Variants in ZNF469 observed in about 807,000 individuals in gnomAD.
The protein encoded by ZNF469 is zinc finger protein 469.
In ZNF469, 1 loss-of-function variant was observed where a neutral mutation model predicts 1.0. The ratio of observed to expected loss-of-function variants is 1.00; its 90% CI spans 0.35 to 4.73. ZNF469 has a LOEUF of 4.73. Ranked by LOEUF, ZNF469 falls within the 30% of genes most tolerant of loss-of-function variation. The pLI is 0.16. For synonymous variants in ZNF469, 2,703 were observed against 2,363.4 expected, an observed-to-expected ratio of 1.14 and a Z score of -4.17; for missense variants, 6,100 against 5,356.3, an observed-to-expected ratio of 1.14 and a Z score of -4.33.
At chr16:88,127,074 C>T in the ZNF469 span, among the ~76,000 whole-genome samples, 3,119 of 152,280 alleles carry the variant, frequency 0.02, 98 homozygotes, top group African/African-American at 0.07. Flanking sequence ...CCGTCCGCCT[C>T]GGCCTCCCAC....
the ZNF469 span, among the ~76,000 whole-genome samples, chr16:88,239,666 TGTATATATATATATATATATATA>T: frequency 4.4e-4 from 18 of 40,588 alleles, 1 homozygote; most frequent in African/African-American, 1.0e-3. Context: ...TTTTTTTTTT[TGTATATATATATATATATATATA>T]TATATATATA....
the ZNF469 span, among the ~76,000 whole-genome samples, chr16:88,321,155 C>G: frequency 6.6e-6 from 1 of 152,260 alleles, no homozygotes; most frequent in Admixed American, 6.5e-5. Context: ...CCTGTCCAGG[C>G]TGTCCTGGGC....
the ZNF469 span, among the ~76,000 whole-genome samples, chr16:88,102,717 C>T: frequency 6.6e-6 from 1 of 152,218 alleles, no homozygotes; most frequent in Admixed American, 6.5e-5. Flanking sequence ...AGACGCCGTA[C>T]TTGGATTGGG....
the ZNF469 span, among the ~76,000 whole-genome samples, chr16:88,176,618 C>T: frequency 6.6e-6 from 1 of 152,024 alleles, no homozygotes; most frequent in African/African-American, 2.4e-5. Flanking sequence ...TCTTGAAACT[C>T]TAAGAAATAT....
At chr16:88,309,888 G>A in the ZNF469 span, among the ~76,000 whole-genome samples, 1 of 152,218 alleles carries the variant, frequency 6.6e-6, no homozygotes, top group Non-Finnish European at 1.5e-5. Context: ...CAACCCACGT[G>A]GCAGGAGTCA....
At position 88,437,077 on chromosome 16, in the gene ZNF469, C is replaced by T. The variant is rs1205170982; in HGVS notation, c.9607C>T (p.Arg3203Cys). 5.8e-6 allele frequency: 9 copies of T among 1,542,254 alleles called. No homozygotes were observed. The highest frequency in any genetic ancestry group is 7.0e-6 in the Non-Finnish European group (8 of 1,144,782). Residue 3203 changes from arginine to cysteine, a missense_variant, in exon 3 of 3, where the codon CGC becomes TGC. By Grantham distance (180) the Arg-to-Cys change is radical. Coordinates refer to ENST00000565624, the MANE Select transcript of ZNF469 (RefSeq NM_001367624.2). The part of the protein sequence containing the change: ...HLREHAVRFA[R>C]RGQARRSLGD... ...GCGTGAGCACGCGGTCCGCTTCGCC[C>T]GCAGGGGGCAGGCGCGGAGGTCCTT...
the ZNF469 span, among the ~76,000 whole-genome samples, chr16:88,125,975 G>A: frequency 6.6e-5 from 10 of 151,688 alleles, no homozygotes; most frequent in African/African-American, 2.4e-4. Context: ...GATTGCCTGA[G>A]CTCAGGAGTT....
intron 1 of ZNF469, among the ~76,000 whole-genome samples, chr16:88,413,783 A>G (rs1018770843): frequency 6.6e-6 from 1 of 152,066 alleles, no homozygotes; most frequent in East Asian, 1.9e-4. Context: ...TCCGCGCCTC[A>G]GGGCCTGGGC....
At chr16:88,181,422 T>C in the ZNF469 span, among the ~76,000 whole-genome samples, 1 of 152,220 alleles carries the variant, frequency 6.6e-6, no homozygotes, top group African/African-American at 2.4e-5. Flanking sequence ...AGATAGACCA[T>C]ATTCCAGGCC....
At chr16:88,331,630 T>C in the ZNF469 span, among the ~76,000 whole-genome samples, 2 of 142,420 alleles carry the variant, frequency 1.4e-5, no homozygotes, top group African/African-American at 2.7e-5. Context: ...TCACTATTGT[T>C]ACCACCGCCA....
rs779602484 is a variant in ZNF469, at chr16:88,430,139, G to T, written c.2669G>T (p.Gly890Val). 5.2e-6 allele frequency: 8 copies of T among 1,550,014 alleles called. No individual in the cohort carries two copies. The highest frequency in any genetic ancestry group is 7.0e-6 in the Non-Finnish European group (8 of 1,146,890). The change falls in exon 3 of 3, where the codon GGG (glycine) becomes GTG (valine). Residue 890 changes from glycine (G) to valine (V), a missense_variant. Gly to Val is a moderately radical substitution (Grantham distance 109, BLOSUM62 -3). Coordinates refer to ENST00000565624, the MANE Select transcript of ZNF469 (RefSeq NM_001367624.2). ...SSGHPLKSKAGVTPESKAPPP... is the reference protein window; with the variant it reads ...SSGHPLKSKAVVTPESKAPPP... ...GGACACCCCCTTAAGAGCAAGGCGG[G>T]GGTGACTCCAGAGAGCAAAGCTCCG...
the ZNF469 span, among the ~76,000 whole-genome samples, chr16:88,332,207 G>A: frequency 6.6e-6 from 1 of 152,256 alleles, no homozygotes; most frequent in African/African-American, 2.4e-5. Context: ...TTTGACAGAG[G>A]ATGGAAAATG....
chr16:88,416,860 G>A (rs1905315748), intron 1 of ZNF469, among the ~76,000 whole-genome samples: 1 of 152,172 alleles, frequency 6.6e-6, no homozygotes, highest in African/African-American at 2.4e-5. Context: ...GGGGTACCCA[G>A]GGCTCCTCTT....
the ZNF469 span, among the ~76,000 whole-genome samples, chr16:88,322,744 ATAACCAC>A: frequency 6.6e-6 from 1 of 152,170 alleles, no homozygotes; most frequent in Admixed American, 6.5e-5. Context: ...AGGTTGCCGA[ATAACCAC>A]TCCAGGCCCT....
chr16:88,423,780 G>A (rs562977773), intron 1 of ZNF469, among the ~76,000 whole-genome samples: 17 of 152,314 alleles, frequency 1.1e-4, no homozygotes, highest in African/African-American at 2.4e-4. Context: ...TTGAGTGCCC[G>A]GAAAGCATGG....
At chr16:88,137,393 G>C in the ZNF469 span, among the ~76,000 whole-genome samples, 1 of 152,068 alleles carries the variant, frequency 6.6e-6, no homozygotes, top group Non-Finnish European at 1.5e-5. Flanking sequence ...GTGTGCGGTT[G>C]TGTACATACA....
At position 88,432,674 on chromosome 16, in the gene ZNF469, C is replaced by T. The variant is rs1906283296; in HGVS notation, c.5204C>T (p.Ala1735Val). ...AAGCAGCCTGGCCCACAGCTGGATG[C>T]CGGGAGTTTAGCAAAGTGCAGCCCC... ...PSKQPGPQLD[A>V]GSLAKCSPDQ... is the part of the protein sequence containing the mutation. Residue 1735 changes from alanine to valine, a missense_variant, in exon 3 of 3, where the codon GCC (alanine) becomes GTC (valine). Transcript: ENST00000565624. 1 of 1,550,332 alleles carries T rather than the reference C, an allele frequency of 6.5e-7. No individual in the cohort carries two copies. Among genetic ancestry groups the T allele is most frequent in the African/African-American group, 1.4e-5 (1 of 73,072 alleles).
chr16:88,183,593 GGA>G, the ZNF469 span, among the ~76,000 whole-genome samples: 1 of 152,228 alleles, frequency 6.6e-6, no homozygotes, highest in African/African-American at 2.4e-5. Context: ...GTAGGACCGA[GGA>G]GAGACAGGTG....
chr16:88,216,259 G>C, the ZNF469 span, among the ~76,000 whole-genome samples: 1 of 152,154 alleles, frequency 6.6e-6, no homozygotes, highest in Non-Finnish European at 1.5e-5. Context: ...ACTTTGGGAG[G>C]CCGAGGCGGG....
Sources: gnomAD v4.1 joint callset for allele counts (sites outside exome capture counted in the v4.1 genomes callset) on GRCh38, gnomAD v4.1.1 for gene constraint, MANE v1.5 for transcripts, NCBI Gene and HGNC (gene_info 2026-07-23, HGNC 2026-07-21) for gene names.